GSG1L: variants seen among roughly 807,000 people sequenced by gnomAD.
The protein encoded by GSG1L is GSG1 like, also known as germ cell-specific gene 1-like protein.
GSG1L carries 24 observed loss-of-function variants against 42.1 expected under a neutral mutation model. The ratio of observed to expected loss-of-function variants is 0.57; its 90% CI spans 0.41 to 0.80. GSG1L has a LOEUF of 0.80. Among genes scored for constraint, GSG1L ranks in the 30% least tolerant of loss-of-function variants. The probability of loss-of-function intolerance (pLI) is 0.00; values close to 1 mark genes in which losing one functional copy is unlikely to be tolerated. For synonymous variants in GSG1L, 215 were observed against 203.5 expected (o/e 1.06, Z -0.48); for missense variants, 445 against 472.2 (o/e 0.94, Z 0.53).
chr16:27,872,080 G>A (rs996558125), intron 3 of GSG1L, among the ~76,000 whole-genome samples: 2 of 152,186 alleles, frequency 1.3e-5, no homozygotes, highest in Non-Finnish European at 2.9e-5. Context: ...AACAGATTTT[G>A]GCCTTCCTCG....
chr16:27,872,318 C>G (rs539518070), intron 3 of GSG1L, among the ~76,000 whole-genome samples: 1 of 152,134 alleles, frequency 6.6e-6, no homozygotes, highest in Non-Finnish European at 1.5e-5. Context: ...CAGAAGGGGC[C>G]GTATGGACAT....
rs1414455253 is a variant in GSG1L, at chr16:28,063,212, G to T, written c.213C>A (p.Ala71=). 2.9e-5 allele frequency: 37 copies of T among 1,262,360 alleles called. No homozygotes were observed. The East Asian group carries it at 1.2e-3, about 40-fold the overall frequency. 78.2% of individuals were successfully genotyped at this position (1,262,360 alleles called of 1,614,324 possible). ...CGTTCCCCGAGGCGGTGGCGGCGGC[G>T]GCGGCGGCGGCGGGGGCGGCGGTGC... The part of the protein sequence containing the change: ...ANGTAAPAAA[A]AAATASGNGP... Residue 71 remains alanine (A), a synonymous_variant, in exon 1 of 7, where the codon GCC becomes GCA. Coordinates refer to ENST00000447459, the MANE Select transcript of GSG1L (RefSeq NM_001109763.2). This position sits in a 1 kb window ranked among gnomAD's most constrained non-coding sequence, Gnocchi z 5.8.
At chr16:27,797,851 A>C (rs2082837461) in intron 6 of GSG1L, among the ~76,000 whole-genome samples, 1 of 149,876 alleles carries the variant, frequency 6.7e-6, no homozygotes, top group Non-Finnish European at 1.5e-5. Context: ...AAAGAGAGAG[A>C]GAGAGAATGA....
intron 6 of GSG1L, among the ~76,000 whole-genome samples, chr16:27,804,107 A>G (rs1306478212): frequency 6.6e-6 from 1 of 151,972 alleles, no homozygotes; most frequent in African/African-American, 2.4e-5. Context: ...ACAGAGAGAG[A>G]GAGAGAGAAA....
In GSG1L at chr16:27,955,978, G is replaced by A. The variant is rs567960056; in HGVS notation, c.397+7178C>T. 1.3e-3 allele frequency among the ~76,000 whole-genome samples: 201 copies of A among 151,404 alleles called. 1 individual carries two copies. The highest frequency in any genetic ancestry group is 3.2e-3 in the Admixed American group (49 of 15,184). ...GAAGGACAGGAGGGAGGGAGGGAGA[G>A]AAGAAGGAAAGGAGGAAGTGTTATT... On this transcript the variant is annotated intron_variant, in intron 2 of 6. Transcript: ENST00000447459.
intron 1 of GSG1L, among the ~76,000 whole-genome samples, chr16:28,051,903 G>A (rs1161467455): frequency 6.6e-6 from 1 of 152,174 alleles, no homozygotes. Context: ...TGCTCAGCAC[G>A]GTGGGGGATA....
chr16:27,987,141 C>T (rs574404233), intron 1 of GSG1L, among the ~76,000 whole-genome samples: 4 of 151,522 alleles, frequency 2.6e-5, no homozygotes, highest in East Asian at 3.9e-4. Context: ...TGCTTGAACC[C>T]GGGAGGCAGA....
chr16:28,045,465 C>T (rs1431689699), intron 1 of GSG1L, among the ~76,000 whole-genome samples: 1 of 152,120 alleles, frequency 6.6e-6, no homozygotes, highest in Non-Finnish European at 1.5e-5. Context: ...CACTTGAGGC[C>T]AGGAGTTCAA....
intron 1 of GSG1L, among the ~76,000 whole-genome samples, chr16:28,013,079 C>A (rs536363362): frequency 1.1e-4 from 17 of 152,048 alleles, no homozygotes; most frequent in African/African-American, 3.9e-4. Context: ...AAAAAATTAG[C>A]CGTGCATGGT....
At chr16:27,816,434 G>A (rs2083095080) in intron 5 of GSG1L, among the ~76,000 whole-genome samples, 2 of 152,174 alleles carry the variant, frequency 1.3e-5, no homozygotes, top group African/African-American at 4.8e-5. Context: ...GTGAGTAGAT[G>A]CTGTGGTGCC....
intron 3 of GSG1L, among the ~76,000 whole-genome samples, chr16:27,856,954 A>G (rs2083586608): frequency 6.6e-6 from 1 of 152,170 alleles, no homozygotes; most frequent in African/African-American, 2.4e-5. Flanking sequence ...ACATAGGTGC[A>G]CACACCAGTT....
Position 27,978,489 on chromosome 16 carries a change from G to A in GSG1L, c.350-15286C>T, listed in dbSNP as rs569295571. On this transcript the variant is annotated intron_variant, in intron 1 of 6. Coordinates refer to ENST00000447459, the MANE Select transcript of GSG1L (RefSeq NM_001109763.2). ...GGGCGGATCACGAGGTCAGGAGTTC[G>A]AGACCAGCCTGGCCAACATAGCAAA... 1.8e-4 allele frequency among the ~76,000 whole-genome samples: 27 copies of A among 151,956 alleles called. No homozygotes were observed. The East Asian group carries it at 3.7e-3, about 21-fold the overall frequency.
intron 2 of GSG1L, among the ~76,000 whole-genome samples, chr16:27,929,870 A>G (rs949984929): frequency 6.6e-6 from 1 of 152,052 alleles, no homozygotes; most frequent in African/African-American, 2.4e-5. Flanking sequence ...GCCCTCCTCC[A>G]TGGAACCTCC....
chr16:27,976,948 T>C (rs2085257485), intron 1 of GSG1L, among the ~76,000 whole-genome samples: 1 of 152,178 alleles, frequency 6.6e-6, no homozygotes, highest in South Asian at 2.1e-4. Context: ...CATCGTATTG[T>C]CACGTGCTAC....
intron 6 of GSG1L, among the ~76,000 whole-genome samples, chr16:27,801,587 G>A (rs1005838299): frequency 1.3e-5 from 2 of 152,166 alleles, no homozygotes; most frequent in African/African-American, 2.4e-5. Flanking sequence ...CTAAGAGGCC[G>A]AATTCTGAGA....
intron 4 of GSG1L, among the ~76,000 whole-genome samples, chr16:27,832,745 GCTAT>G (rs2083286216): frequency 6.6e-6 from 1 of 152,140 alleles, no homozygotes; most frequent in Non-Finnish European, 1.5e-5. Flanking sequence ...TTGTTTATTT[GCTAT>G]CTGTGTATCC....
At chr16:27,945,260 G>T (rs767942758) in intron 2 of GSG1L, among the ~76,000 whole-genome samples, 10 of 151,972 alleles carry the variant, frequency 6.6e-5, no homozygotes, top group Non-Finnish European at 1.0e-4. Context: ...ACTTTAAACA[G>T]GCAAATTGAA....
At chr16:27,845,682 G>A (rs1318509849) in intron 3 of GSG1L, among the ~76,000 whole-genome samples, 1 of 152,028 alleles carries the variant, frequency 6.6e-6, no homozygotes, top group Non-Finnish European at 1.5e-5. Context: ...GGGAGAATGG[G>A]GACCCCAAAA....
chr16:27,800,073 G>A (rs1274932097), intron 6 of GSG1L, among the ~76,000 whole-genome samples: 3 of 152,152 alleles, frequency 2.0e-5, no homozygotes, highest in African/African-American at 7.2e-5. Flanking sequence ...TGTCTCTGAT[G>A]CTCCTGTTGG....
Sources: allele counts gnomAD v4.1 joint callset (sites outside exome capture counted in the v4.1 genomes callset), GRCh38; gene constraint gnomAD v4.1.1; non-coding constraint Gnocchi (gnomAD v3.1); transcripts MANE v1.5; gene names NCBI Gene and HGNC (gene_info 2026-07-23, HGNC 2026-07-21).